Variants in ZFP90 observed in about 807,000 individuals in gnomAD.
ZFP90 encodes zinc finger protein 90 homolog.
ZFP90 carries 38 observed loss-of-function variants against 60.8 expected under a neutral mutation model. That is an observed-to-expected ratio of 0.62 (90% CI 0.48 to 0.82). ZFP90 has a LOEUF of 0.82. Ranked by LOEUF, ZFP90 falls within the 40% of genes least tolerant of loss-of-function variation. The pLI is 0.00. For synonymous variants in ZFP90, 287 were observed against 264.8 expected, an observed-to-expected ratio of 1.08 and a Z score of -0.82; for missense variants, 711 against 759.1, an observed-to-expected ratio of 0.94 and a Z score of 0.74.
At chr16:68,559,796 C>T (rs1445448846) in intron 4 of ZFP90, among the ~76,000 whole-genome samples, 1 of 152,122 alleles carries the variant, frequency 6.6e-6, no homozygotes, top group Non-Finnish European at 1.5e-5. Context: ...TGGTCTTGAA[C>T]TCCTGAGCTC....
chr16:68,533,575 C>T (rs1357152532), intron 1 of ZFP90: 1 of 152,242 alleles, frequency 6.6e-6, no homozygotes, highest in East Asian at 1.9e-4. Context: ...CTGTTGATGA[C>T]ATTCTGTTTT....
chr16:68,566,076 T>G lies in ZFP90; in HGVS notation c.*1378T>G. The G allele has an allele frequency of 1.0e-5, 10 of 969,062 alleles. No individual in the cohort carries two copies. The highest frequency in any genetic ancestry group is 1.2e-5 in the Non-Finnish European group (10 of 815,080). The allele number at this position is 969,062 out of a possible 1,614,324, so 60.0% of individuals were successfully genotyped here. ...TGGAACCCGGGAGCAGAGACTGCAG[T>G]GAGCTGAGATCACACTACTGCATTC... On this transcript the variant is annotated 3_prime_UTR_variant, in exon 5 of 5. Transcript: ENST00000563169.
In ZFP90 at chr16:68,563,857, AG is replaced by A; in HGVS notation, c.1072del (p.Val358SerfsTer56). ...CATGGCACATCCCTCACTCAACACG[AG>A]GTCACACACAGTGGAGAGAAGCCCT... ...FRHGTSLTQH[E>X]VTHSGEKPFQ... is the part of the protein sequence containing the mutation. On this transcript the variant is annotated frameshift_variant, in exon 5 of 5. Transcript: ENST00000563169. LOFTEE classifies it high-confidence loss of function. 2 of 1,614,072 alleles carry A rather than the reference AG, an allele frequency of 1.2e-6. No individual in the cohort carries two copies. Among genetic ancestry groups the A allele is most frequent in the Non-Finnish European group, 1.7e-6 (2 of 1,180,008 alleles).
Position 68,563,056 on chromosome 16 carries a change from G to C in ZFP90, c.269G>C (p.Arg90Thr). 6.2e-7 allele frequency: 1 copy of C among 1,614,106 alleles called. No individual in the cohort carries two copies. Among genetic ancestry groups the C allele is most frequent in the Non-Finnish European group, 8.5e-7 (1 of 1,180,004 alleles). Residue 90 changes from arginine to threonine, a missense_variant, in exon 5 of 5, where the codon AGG (arginine) becomes ACG (threonine). This residue lies in a region of ZFP90 where 241 missense variants were observed against 247.6 expected (regional missense o/e 0.97). Transcript: ENST00000563169. ...QRPFYPDWKTRPEVKSSHLQQ... is the reference protein window; with the variant it reads ...QRPFYPDWKTTPEVKSSHLQQ... ...GGATTTCTTTCAGACTGGAAGACCA[G>C]GCCTGAAGTCAAATCATCACATTTG...
At position 68,557,988 on chromosome 16, in the gene ZFP90, GAT is replaced by G. The variant is rs765608123; in HGVS notation, c.34-9_34-8del. 5.1e-5 allele frequency: 83 copies of G among 1,613,472 alleles called. No individual in the cohort carries two copies. The South Asian group carries it at 9.1e-4, about 18-fold the overall frequency. On this transcript the variant is annotated splice_polypyrimidine_tract_variant and splice_region_variant and intron_variant, in intron 2 of 4. Coordinates refer to ENST00000563169, the MANE Select transcript of ZFP90 (RefSeq NM_001305203.2). ...TTGATCCCCAGTTGAACAGGAATGT[GAT>G]TTTACAGGAATCAGTGACATTCAAA...
chr16:68,564,060 A>C lies in ZFP90; in HGVS notation c.1273A>C (p.Ser425Arg), dbSNP rs368393946. Residue 425 changes from serine to arginine, a missense_variant, in exon 5 of 5, where the codon AGT becomes CGT. Transcript: ENST00000563169. ...TAAGAGAGGCAAACCTTACCAAAGCAGTAACTACAGCATAGATTTCAAGCA... is the reference window on the plus strand; with the variant it reads ...TAAGAGAGGCAAACCTTACCAAAGCCGTAACTACAGCATAGATTTCAAGCA... ...IHKRGKPYQS[S>R]NYSIDFKHST... The C allele has an allele frequency of 2.5e-6, 4 of 1,614,166 alleles. No homozygotes were observed. The highest frequency in any genetic ancestry group is 3.4e-6 in the Non-Finnish European group (4 of 1,180,012).
intron 2 of ZFP90, among the ~76,000 whole-genome samples, chr16:68,555,539 G>C (rs1429320800): frequency 6.6e-6 from 1 of 152,174 alleles, no homozygotes; most frequent in African/African-American, 2.4e-5. Context: ...AGGAAACAGA[G>C]ATATAGTGTG....
chr16:68,549,330 G>A (rs2091212204), intron 2 of ZFP90, among the ~76,000 whole-genome samples: 1 of 152,202 alleles, frequency 6.6e-6, no homozygotes, highest in Admixed American at 6.5e-5. Context: ...CTGCCCAGGT[G>A]ATTCTGGACA....
upstream of ZFP90, chr16:68,539,197 G>A (rs548014977): frequency 3.3e-5 from 5 of 152,500 alleles, no homozygotes; most frequent in African/African-American, 1.2e-4. Context: ...AGCCGCCTAG[G>A]CGGGGCCTGC....
At position 68,565,327 on chromosome 16, in the gene ZFP90, T is replaced by G. The variant is rs773889887; in HGVS notation, c.*629T>G. ...GCCTTGCCAGTGAAAAGGTTATTTT[T>G]GGACTCAGAGGGCTTTAAAATAAAT... On this transcript the variant is annotated 3_prime_UTR_variant, in exon 5 of 5. Coordinates refer to ENST00000563169, the MANE Select transcript of ZFP90 (RefSeq NM_001305203.2). The G allele has an allele frequency of 6.1e-6, 6 of 985,470 alleles. No homozygotes were observed. The highest frequency in any genetic ancestry group is 5.2e-4 in the Middle Eastern group (1 of 1,936). 61.0% of individuals were successfully genotyped at this position (985,470 alleles called of 1,614,324 possible). A position where few individuals can be genotyped will look rare whatever the true frequency, so the allele number is the denominator to read the frequency against.
intron 2 of ZFP90, among the ~76,000 whole-genome samples, chr16:68,549,698 A>AAAAG (rs60120058): frequency 2.3e-4 from 35 of 150,022 alleles, no homozygotes; most frequent in South Asian, 6.3e-4. Context: ...AAAAAAAAAA[A>AAAAG]GTCTTGAGGG....
chr16:68,575,994 G>T, exon 3 of ZFP90: 1 of 376,058 alleles, frequency 2.7e-6, no homozygotes, highest in Non-Finnish European at 4.7e-6. Flanking sequence ...ATTTATTCCA[G>T]CAAGCAGCAA....
chr16:68,561,269 C>T (rs189543430), intron 4 of ZFP90, among the ~76,000 whole-genome samples: 18 of 152,322 alleles, frequency 1.2e-4, no homozygotes, highest in African/African-American at 3.8e-4. Context: ...AAAATAGAAA[C>T]TCCCTGATTT....
rs1567406038 is a variant in ZFP90, at chr16:68,557,953, A to G, written c.34-45A>G. ...TATGTTCCCAGCATTGCCTTAGAAC[A>G]TTTGTGGGGTTGATCCCCAGTTGAA... On this transcript the variant is annotated intron_variant, in intron 2 of 4. Coordinates refer to ENST00000563169, the MANE Select transcript of ZFP90 (RefSeq NM_001305203.2). 6 of 1,611,582 alleles carry G rather than the reference A, an allele frequency of 3.7e-6. No homozygotes were observed. In the South Asian group the frequency reaches 6.6e-5, roughly 18 times the overall value.
upstream of ZFP90, among the ~76,000 whole-genome samples, chr16:68,537,981 C>T (rs1296389723): frequency 6.6e-6 from 1 of 151,956 alleles, no homozygotes; most frequent in Non-Finnish European, 1.5e-5. Flanking sequence ...GGTGCAATCT[C>T]GGCTCACCAC....
In ZFP90 at chr16:68,564,656, T is replaced by C. The variant is rs61746862; in HGVS notation, c.1869T>C (p.Ala623=). The change falls in exon 5 of 5, where the codon GCT becomes GCC. Residue 623 remains alanine, a synonymous_variant. Coordinates refer to ENST00000563169, the MANE Select transcript of ZFP90 (RefSeq NM_001305203.2). ...GGAAAAACTTCAGCCGAAGTTCAGC[T>C]CTTACTAAACACCAGAGAATTCATA... ...ECGKNFSRSS[A]LTKHQRIHTR... The C allele has an allele frequency of 3.7e-6, 6 of 1,613,410 alleles. No individual in the cohort carries two copies. In the African/African-American group the frequency reaches 8.0e-5, roughly 22 times the overall value.
upstream of ZFP90, among the ~76,000 whole-genome samples, chr16:68,536,306 T>G (rs1004584129): frequency 6.6e-6 from 1 of 152,116 alleles, no homozygotes; most frequent in African/African-American, 2.4e-5. Flanking sequence ...GTCTAAGGAA[T>G]TCTTTTTCTT....
upstream of ZFP90, among the ~76,000 whole-genome samples, chr16:68,538,569 C>T (rs953064980): frequency 4.6e-5 from 7 of 152,116 alleles, no homozygotes; most frequent in Middle Eastern, 6.8e-3. Flanking sequence ...GGCCTGGTGA[C>T]GCATCGCATG....
At chr16:68,553,549 CTT>C (rs2091293900) in intron 2 of ZFP90, among the ~76,000 whole-genome samples, 1 of 152,170 alleles carries the variant, frequency 6.6e-6, no homozygotes, top group African/African-American at 2.4e-5. Context: ...AAGACTTTGA[CTT>C]TACTTGAAAT....
Sources: gnomAD v4.1 joint callset for allele counts (sites outside exome capture counted in the v4.1 genomes callset) on GRCh38, gnomAD v4.1.1 for gene constraint, gnomAD v4.1.1 regional missense constraint, MANE v1.5 for transcripts, NCBI Gene and HGNC (gene_info 2026-07-23, HGNC 2026-07-21) for gene names.